The following HECTD2 variants were observed in gnomAD, a reference collection of about 807,000 sequenced individuals.
The protein encoded by HECTD2 is HECT domain E3 ubiquitin protein ligase 2.
HECTD2 carries 35 observed loss-of-function variants against 103.2 expected under a neutral mutation model. The observed-to-expected ratio is 0.34, with a 90% CI of 0.26 to 0.45. The LOEUF is 0.45. Among genes scored for constraint, HECTD2 ranks in the 20% least tolerant of loss-of-function variants. The pLI, the probability that HECTD2 is intolerant of heterozygous loss-of-function variation, is 1.00. For missense variants in HECTD2, 596 were observed against 937.4 expected, an observed-to-expected ratio of 0.64 and a Z score of 4.76; for synonymous variants, 281 against 329.9, an observed-to-expected ratio of 0.85 and a Z score of 1.61.
intron 19 of HECTD2, among the ~76,000 whole-genome samples, 182 bp downstream of exon 19, chr10:91,500,799 T>C (rs575304338): frequency 3.3e-5 from 5 of 152,236 alleles, no homozygotes; most frequent in African/African-American, 1.2e-4. Flanking sequence ...ATCACTCCCT[T>C]TGGGAGAAAA....
intron 2 of HECTD2, among the ~76,000 whole-genome samples, chr10:91,458,992 A>G (rs1407090097): frequency 6.6e-6 from 1 of 152,004 alleles, no homozygotes; most frequent in Non-Finnish European, 1.5e-5. Flanking sequence ...ACAAGGGACT[A>G]TTATCTAAAC....
At chr10:91,481,206 A>G (rs1307853978) in intron 7 of HECTD2, 67 bp downstream of exon 7, 5 of 683,646 alleles carry the variant, frequency 7.3e-6, no homozygotes, top group East Asian at 6.0e-5. Flanking sequence ...TGTATGTGAA[A>G]TGATATTAAA....
intron 2 of HECTD2, among the ~76,000 whole-genome samples, chr10:91,454,415 T>C (rs1331926570): frequency 6.6e-6 from 1 of 151,942 alleles, no homozygotes; most frequent in Non-Finnish European, 1.5e-5. Flanking sequence ...AAATAATTCA[T>C]TGGTCAAAGA....
intron 20 of HECTD2, among the ~76,000 whole-genome samples, chr10:91,507,380 T>A (rs545990593): frequency 6.6e-6 from 1 of 151,412 alleles, no homozygotes; most frequent in African/African-American, 2.4e-5. Flanking sequence ...AAAACCCCAT[T>A]GTCTCAGCCC....
At chr10:91,483,125 G>T (rs759883507) in intron 8 of HECTD2, 49 bp downstream of exon 8, 7 of 769,696 alleles carry the variant, frequency 9.1e-6, no homozygotes, top group Middle Eastern at 2.5e-4. Flanking sequence ...ACAGTTTTAA[G>T]TTTGGTATTA....
chr10:91,507,433 G>A (rs1472040465), intron 20 of HECTD2, among the ~76,000 whole-genome samples: 3 of 152,074 alleles, frequency 2.0e-5, no homozygotes, highest in African/African-American at 7.2e-5. Context: ...AAAGTCTCAG[G>A]ATACAAAATC....
chr10:91,464,604 C>A, intron 5 of HECTD2: 1 of 156,100 alleles, frequency 6.4e-6, no homozygotes, highest in South Asian at 1.9e-4. Context: ...AACTAAAGGT[C>A]AATGTAGCCA....
chr10:91,499,710 C>G (rs999102825), intron 18 of HECTD2, among the ~76,000 whole-genome samples: 2 of 152,248 alleles, frequency 1.3e-5, no homozygotes, highest in African/African-American at 4.8e-5. Context: ...CTTTCAGTCA[C>G]CCCAGCTACC....
intron 2 of HECTD2, among the ~76,000 whole-genome samples, chr10:91,433,759 A>C (rs940309696): frequency 6.6e-6 from 1 of 151,908 alleles, no homozygotes; most frequent in Non-Finnish European, 1.5e-5. Flanking sequence ...CTTGAGTTTG[A>C]ATCCATCTGT....
chr10:91,498,958 A>C lies in HECTD2; in HGVS notation c.1842A>C (p.Lys614Asn). The C allele has an allele frequency of 6.3e-7, 1 of 1,581,788 alleles. No homozygotes were observed. The highest frequency in any genetic ancestry group is 8.7e-7 in the Non-Finnish European group (1 of 1,152,314). ...TTTCAGTTACCAATCAAAATAGAAA[A>C]GGTAAGTTAATACCCTTTTTAATTA... ...DKISVTNQNR[K>N]EYVQLYTDFL... Residue 614 changes from lysine (K) to asparagine (N), a missense_variant and splice_region_variant, in exon 17 of 21, where the codon AAA (lysine) becomes AAC (asparagine). Transcript: ENST00000298068.
chr10:91,477,797 TTTGA>T (rs1009003167), intron 5 of HECTD2, among the ~76,000 whole-genome samples: 3 of 152,214 alleles, frequency 2.0e-5, no homozygotes, highest in African/African-American at 4.8e-5. Flanking sequence ...TCTTGGGATG[TTTGA>T]TAGTAAATAA....
chr10:91,424,080 C>G (rs1399576364), intron 1 of HECTD2, among the ~76,000 whole-genome samples: 1 of 152,086 alleles, frequency 6.6e-6, no homozygotes, highest in African/African-American at 2.4e-5. Flanking sequence ...GGCTCTGTTT[C>G]ACATAGTCAC....
chr10:91,513,633 C>A lies in HECTD2; in HGVS notation c.*1249C>A, dbSNP rs957196961. 1.3e-5 allele frequency: 2 copies of A among 152,508 alleles called. No individual in the cohort carries two copies. Among genetic ancestry groups the A allele is most frequent in the African/African-American group, 4.8e-5 (2 of 41,418 alleles). The allele number at this position is 152,508 out of a possible 1,614,324, so 9.4% of individuals were successfully genotyped here. ...TTAGCATGTTACAAATATTGCCAAA[C>A]CAAGACTTCTCTACCATACTTTAAC... On this transcript the variant is annotated 3_prime_UTR_variant, in exon 21 of 21. Transcript: ENST00000298068.
intron 2 of HECTD2, among the ~76,000 whole-genome samples, chr10:91,426,857 T>TTTA (rs1262666507): frequency 6.6e-6 from 1 of 151,750 alleles, no homozygotes; most frequent in South Asian, 2.1e-4. Context: ...GGTATTTTTT[T>TTTA]TTATTATTAT....
intron 18 of HECTD2, among the ~76,000 whole-genome samples, chr10:91,499,823 G>A (rs1846823868): frequency 1.3e-5 from 2 of 152,156 alleles, no homozygotes; most frequent in Admixed American, 1.3e-4. Flanking sequence ...AGAGAGAAAT[G>A]GACTATAGAA....
intron 9 of HECTD2, 149 bp from the exon 10 acceptor site, chr10:91,485,031 A>T (rs1846217813): frequency 3.7e-6 from 2 of 544,362 alleles, no homozygotes; most frequent in Non-Finnish European, 6.2e-6. Flanking sequence ...ACAATTTTTA[A>T]ATTACCCCTT....
At chr10:91,456,248 C>T (rs1317517301) in intron 2 of HECTD2, among the ~76,000 whole-genome samples, 3 of 152,134 alleles carry the variant, frequency 2.0e-5, no homozygotes, top group African/African-American at 4.8e-5. Context: ...TGTTTTATTT[C>T]GTTGAGCAGT....
intron 1 of HECTD2, 64 bp downstream of exon 1, chr10:91,410,640 GGC>G: frequency 7.7e-7 from 1 of 1,303,264 alleles, no homozygotes; most frequent in South Asian, 2.0e-5. Flanking sequence ...ACGGCGGCCG[GGC>G]GAGGGCCGTC....
intron 5 of HECTD2, 65 bp downstream of exon 5, chr10:91,462,249 C>T (rs1439034980): frequency 6.9e-7 from 1 of 1,444,916 alleles, no homozygotes; most frequent in South Asian, 1.5e-5. Context: ...AGCAGCCATA[C>T]AAATATTGTA....
Sources: allele counts gnomAD v4.1 joint callset (sites outside exome capture counted in the v4.1 genomes callset), GRCh38; gene constraint gnomAD v4.1.1; transcripts MANE v1.5; gene names NCBI Gene and HGNC (gene_info 2026-07-23, HGNC 2026-07-21).